FARS2: variants seen among roughly 807,000 people sequenced by gnomAD.
FARS2 encodes the protein phenylalanyl-tRNA synthetase 2, mitochondrial, also known as phenylalanine--tRNA ligase, mitochondrial.
In FARS2, 40 loss-of-function variants were observed where a neutral mutation model predicts 46.4. That is an observed-to-expected ratio of 0.86 (90% CI 0.67 to 1.12). FARS2 has a LOEUF of 1.12. FARS2 is among the 50% of genes most tolerant of loss of function. The probability of loss-of-function intolerance (pLI) is 0.00; values close to 1 mark genes in which losing one functional copy is unlikely to be tolerated. For synonymous variants in FARS2, 234 were observed against 214.9 expected, an observed-to-expected ratio of 1.09 and a Z score of -0.78; for missense variants, 513 against 567.9, an observed-to-expected ratio of 0.90 and a Z score of 0.98.
chr6:5,529,195 G>A (rs886981341), intron 4 of FARS2, among the ~76,000 whole-genome samples: 3 of 152,182 alleles, frequency 2.0e-5, no homozygotes, highest in Non-Finnish European at 1.5e-5. Flanking sequence ...TAATTAATGA[G>A]GTCATATTTT....
intron 6 of FARS2, among the ~76,000 whole-genome samples, chr6:5,763,514 C>T (rs891411355): frequency 6.6e-6 from 1 of 152,144 alleles, no homozygotes. Flanking sequence ...TCCTAGGATT[C>T]TAGAGCCAGA....
intron 1 of FARS2, among the ~76,000 whole-genome samples, chr6:5,299,453 G>T (rs542667208): frequency 6.6e-6 from 1 of 152,122 alleles, no homozygotes. Context: ...GAGCTGTATC[G>T]GTATAATCTT....
chr6:5,543,618 G>T (rs6942094), intron 4 of FARS2, among the ~76,000 whole-genome samples: 1 of 152,078 alleles, frequency 6.6e-6, no homozygotes, highest in South Asian at 2.1e-4. Context: ...GCCTTGTCCT[G>T]CCAAAGTGCT....
intron 6 of FARS2, among the ~76,000 whole-genome samples, chr6:5,692,789 T>C (rs943978629): frequency 2.6e-4 from 39 of 152,334 alleles, no homozygotes; most frequent in African/African-American, 8.9e-4. Context: ...TGTGTGTGCG[T>C]CACTATTTTT....
intron 1 of FARS2, among the ~76,000 whole-genome samples, chr6:5,267,888 C>T (rs761063367): frequency 0.088 from 13,328 of 151,932 alleles, 727 homozygotes; most frequent in African/African-American, 0.15. Context: ...TTTTAATGAT[C>T]GCCATTCTAA....
At chr6:5,449,218 G>A (rs1032714632) in intron 4 of FARS2, among the ~76,000 whole-genome samples, 16 of 151,814 alleles carry the variant, frequency 1.1e-4, no homozygotes, top group Non-Finnish European at 2.4e-4. Flanking sequence ...GTGTGTTGGT[G>A]GGCACCTGTA....
chr6:5,438,227 A>G (rs951395742), intron 4 of FARS2, among the ~76,000 whole-genome samples: 3 of 80,046 alleles, frequency 3.7e-5, no homozygotes, highest in African/African-American at 1.3e-4. Flanking sequence ...GTTACTTTCA[A>G]GGCTTCTACC....
At chr6:5,678,614 T>C (rs1209762045) in intron 6 of FARS2, among the ~76,000 whole-genome samples, 2 of 152,174 alleles carry the variant, frequency 1.3e-5, no homozygotes, top group African/African-American at 2.4e-5. Flanking sequence ...ATTTCACACA[T>C]AGCCATCCTT....
At chr6:5,750,963 G>C (rs1372022476) in intron 6 of FARS2, among the ~76,000 whole-genome samples, 3 of 152,090 alleles carry the variant, frequency 2.0e-5, no homozygotes, top group Non-Finnish European at 4.4e-5. Context: ...CCTAGAACTT[G>C]ATGCTTCCAT....
chr6:5,735,636 G>T (rs897753231), intron 6 of FARS2, among the ~76,000 whole-genome samples: 2 of 152,176 alleles, frequency 1.3e-5, no homozygotes, highest in Middle Eastern at 3.2e-3. Context: ...TTTCTCCCAA[G>T]AATTCTTTAT....
chr6:5,442,340 G>T (rs969048381), intron 4 of FARS2, among the ~76,000 whole-genome samples: 3 of 150,982 alleles, frequency 2.0e-5, no homozygotes, highest in Non-Finnish European at 4.4e-5. Flanking sequence ...ATATTCTTCA[G>T]GTTTGTGGCT....
intron 4 of FARS2, among the ~76,000 whole-genome samples, chr6:5,454,242 T>C (rs1033209891): frequency 2.6e-5 from 4 of 151,570 alleles, no homozygotes; most frequent in African/African-American, 4.8e-5. Context: ...TGCTGTCACT[T>C]GTGAATGCTG....
intron 1 of FARS2, among the ~76,000 whole-genome samples, chr6:5,342,616 A>T (rs902953059): frequency 6.6e-6 from 1 of 152,038 alleles, no homozygotes; most frequent in Non-Finnish European, 1.5e-5. Flanking sequence ...GCCAGGCTTG[A>T]TGGTGCATGC....
At chr6:5,450,572 A>G (rs1034389774) in intron 4 of FARS2, among the ~76,000 whole-genome samples, 8 of 152,088 alleles carry the variant, frequency 5.3e-5, no homozygotes, top group African/African-American at 1.7e-4. Context: ...ATTTCCATGC[A>G]TCATGAATAG....
At chr6:5,541,503 T>C (rs746918569) in intron 4 of FARS2, among the ~76,000 whole-genome samples, 10 of 152,242 alleles carry the variant, frequency 6.6e-5, no homozygotes, top group Non-Finnish European at 1.3e-4. Context: ...AGTTTCGCCT[T>C]GTCTAGAATG....
rs1777926432 is a variant in FARS2, at chr6:5,663,134, G to C, written c.1217+49814G>C. Among the ~76,000 whole-genome samples, 4 of 152,070 alleles carry C rather than the reference G, an allele frequency of 2.6e-5. No individual in the cohort carries two copies. The South Asian group carries it at 6.2e-4, about 24-fold the overall frequency. ...TTTTTCACAATGTCTAAAATAATAT[G>C]GTTCACAGTAATAAGATTTTATAGC... On this transcript the variant is annotated intron_variant, in intron 6 of 6. Transcript: ENST00000274680.
intron 6 of FARS2, among the ~76,000 whole-genome samples, chr6:5,718,674 CT>C (rs1394918557): frequency 6.6e-6 from 1 of 152,116 alleles, no homozygotes; most frequent in African/African-American, 2.4e-5. Flanking sequence ...GCCCTTTTCC[CT>C]CCCAATTTGC....
intron 6 of FARS2, among the ~76,000 whole-genome samples, chr6:5,763,983 A>C (rs960880228): frequency 1.3e-5 from 2 of 151,972 alleles, no homozygotes; most frequent in African/African-American, 4.8e-5. Flanking sequence ...GGTAAAAGAA[A>C]CACAGGAAAT....
At chr6:5,445,511 T>C (rs1764133393) in intron 4 of FARS2, among the ~76,000 whole-genome samples, 1 of 152,234 alleles carries the variant, frequency 6.6e-6, no homozygotes, top group Non-Finnish European at 1.5e-5. Flanking sequence ...TGAGGCAATG[T>C]CATCACTAGG....
Sources: gnomAD v4.1 joint callset for allele counts (sites outside exome capture counted in the v4.1 genomes callset) on GRCh38, gnomAD v4.1.1 for gene constraint, MANE v1.5 for transcripts, NCBI Gene and HGNC (gene_info 2026-07-23, HGNC 2026-07-21) for gene names.